GTF2B: variants seen among roughly 807,000 people sequenced by gnomAD.
GTF2B encodes the protein transcription initiation factor IIB.
In GTF2B, 20 loss-of-function variants were observed where a neutral mutation model predicts 34.6. The ratio of observed to expected loss-of-function variants is 0.58; its 90% confidence interval spans 0.41 to 0.84. The LOEUF (loss-of-function observed/expected upper bound fraction) is 0.84, where lower values mean the gene tolerates loss of function less well. GTF2B is among the 40% of genes least tolerant of loss of function. The probability of loss-of-function intolerance (pLI) is 0.00; values close to 1 mark genes in which losing one functional copy is unlikely to be tolerated. For synonymous variants in GTF2B, 142 were observed against 132.4 expected (o/e 1.07, Z -0.50); for missense variants, 237 against 393.3 (o/e 0.60, Z 3.36).
chr1:88,885,737 C>G (rs1674051592), intron 2 of GTF2B, among the ~76,000 whole-genome samples: 1 of 152,102 alleles, frequency 6.6e-6, no homozygotes, highest in Admixed American at 6.5e-5. Context: ...GCAACAAGAG[C>G]AAAACTCCGT....
Position 88,857,408 on chromosome 1 carries a change from A to T in GTF2B, c.615T>A (p.Ser205Arg). ...FKLILKALET[S>R]VDLITTGDFM... The stretch of plus-strand genomic sequence containing the variant: ...AGTCCCCAGTTGTAATCAAATCCAC[A>T]CTGGTTTCTAGCGCTTTCAAAATAA... The change falls in exon 6 of 7, where the codon AGT becomes AGA. Residue 205 changes from serine (S) to arginine (R), a missense_variant. Ser to Arg is a moderately radical substitution (Grantham distance 110). Coordinates refer to ENST00000370500, the MANE Select transcript of GTF2B (RefSeq NM_001514.6). 5 of 1,610,408 alleles carry T rather than the reference A, an allele frequency of 3.1e-6. No homozygotes were observed. The highest frequency in any genetic ancestry group is 4.2e-6 in the Non-Finnish European group (5 of 1,176,598).
intron 2 of GTF2B, among the ~76,000 whole-genome samples, chr1:88,873,647 T>C (rs1011608428): frequency 1.3e-5 from 2 of 152,220 alleles, no homozygotes; most frequent in Admixed American, 6.5e-5. Context: ...GCTCCTTCTA[T>C]CTTTTTGATA....
At chr1:88,865,444 G>A (rs1299055562) in intron 2 of GTF2B, among the ~76,000 whole-genome samples, 2 of 152,176 alleles carry the variant, frequency 1.3e-5, no homozygotes, top group African/African-American at 2.4e-5. Flanking sequence ...ATCTCCAGCC[G>A]GGTGTGGTGG....
intron 6 of GTF2B, among the ~76,000 whole-genome samples, chr1:88,856,567 T>C (rs1285050254): frequency 6.6e-6 from 1 of 151,864 alleles, no homozygotes; most frequent in African/African-American, 2.4e-5. Flanking sequence ...ACCCCTAAGA[T>C]TTAAAAAGGT....
intron 2 of GTF2B, among the ~76,000 whole-genome samples, chr1:88,881,235 C>T (rs1470158248): frequency 6.7e-6 from 1 of 148,700 alleles, no homozygotes; most frequent in Non-Finnish European, 1.5e-5. Context: ...GTACTCAGTA[C>T]AATACCACTG....
At chr1:88,862,997 A>G (rs1318671792) in intron 3 of GTF2B, among the ~76,000 whole-genome samples, 1 of 152,000 alleles carries the variant, frequency 6.6e-6, no homozygotes, top group Admixed American at 6.6e-5. Context: ...AATAGTATAC[A>G]TGAAGTTATA....
intron 2 of GTF2B, among the ~76,000 whole-genome samples, chr1:88,876,819 T>C (rs1673828496): frequency 6.6e-6 from 1 of 152,186 alleles, no homozygotes; most frequent in Non-Finnish European, 1.5e-5. Flanking sequence ...ATTTTACAGA[T>C]GAAACAAATT....
At chr1:88,872,774 C>T (rs1275592611) in intron 2 of GTF2B, among the ~76,000 whole-genome samples, 3 of 152,122 alleles carry the variant, frequency 2.0e-5, no homozygotes, top group Non-Finnish European at 4.4e-5. Flanking sequence ...AGTGTTAAGT[C>T]TGCTAATTAC....
At chr1:88,877,151 C>T (rs1044376832) in intron 2 of GTF2B, among the ~76,000 whole-genome samples, 2 of 152,150 alleles carry the variant, frequency 1.3e-5, no homozygotes, top group African/African-American at 4.8e-5. Flanking sequence ...GCACATTCCC[C>T]AGCTGACTCT....
At chr1:88,886,337 C>T (rs1259473489) in intron 2 of GTF2B, among the ~76,000 whole-genome samples, 1 of 152,158 alleles carries the variant, frequency 6.6e-6, no homozygotes, top group Non-Finnish European at 1.5e-5. Flanking sequence ...AATATTACCC[C>T]TATTCTCAGA....
intron 2 of GTF2B, among the ~76,000 whole-genome samples, chr1:88,883,599 C>A (rs1643608485): frequency 2.0e-5 from 3 of 151,514 alleles, no homozygotes. Flanking sequence ...GGAGTTGAGG[C>A]TGAAGTGAGT....
intron 6 of GTF2B, among the ~76,000 whole-genome samples, chr1:88,855,109 G>C (rs577056953): frequency 2.4e-4 from 37 of 152,248 alleles, no homozygotes; most frequent in Admixed American, 5.2e-4. Context: ...TTTACAACTA[G>C]GAATGTACCT....
At chr1:88,853,524 G>A (rs577473888) in intron 6 of GTF2B, among the ~76,000 whole-genome samples, 178 bp from the exon 7 acceptor site, 1 of 152,336 alleles carries the variant, frequency 6.6e-6, no homozygotes, top group Admixed American at 6.5e-5. Flanking sequence ...CGGGAGCTAG[G>A]CCGGGCGCAG....
chr1:88,889,434 A>T (rs1344954067), intron 1 of GTF2B, among the ~76,000 whole-genome samples: 1 of 152,276 alleles, frequency 6.6e-6, no homozygotes, highest in Admixed American at 6.5e-5. Flanking sequence ...CTACTCAAGT[A>T]CCAGATAATC....
chr1:88,881,319 TTTA>T (rs1408065294), intron 2 of GTF2B, among the ~76,000 whole-genome samples: 1 of 152,142 alleles, frequency 6.6e-6, no homozygotes, highest in Non-Finnish European at 1.5e-5. Flanking sequence ...CCATCTAGGT[TTTA>T]TTAAGTACCA....
chr1:88,868,630 T>C (rs889128376), intron 2 of GTF2B, among the ~76,000 whole-genome samples: 4 of 152,222 alleles, frequency 2.6e-5, no homozygotes, highest in African/African-American at 7.2e-5. Context: ...CCGAGAGTAA[T>C]TGTCAAAAGT....
intron 6 of GTF2B, 91 bp downstream of exon 6, chr1:88,857,115 T>C (rs1444572097): frequency 8.2e-7 from 1 of 1,213,234 alleles, no homozygotes. Context: ...GTGGGTTTCT[T>C]GCTATTTACC....
intron 5 of GTF2B, 28 bp from the exon 6 acceptor site, chr1:88,857,515 A>T: frequency 8.2e-7 from 1 of 1,222,690 alleles, no homozygotes; most frequent in Non-Finnish European, 1.2e-6. Context: ...AAATAAATCA[A>T]TTCACTTAAG....
At chr1:88,878,279 T>TA (rs1673857465) in intron 2 of GTF2B, among the ~76,000 whole-genome samples, 1 of 151,756 alleles carries the variant, frequency 6.6e-6, no homozygotes, top group Admixed American at 6.6e-5. Context: ...GTCTCAAAAA[T>TA]AAAAAAATAA....
Sources: allele counts gnomAD v4.1 joint callset (sites outside exome capture counted in the v4.1 genomes callset), GRCh38; gene constraint gnomAD v4.1.1; transcripts MANE v1.5; gene names NCBI Gene and HGNC (gene_info 2026-07-23, HGNC 2026-07-21).